Variants in CLCNKA observed in about 807,000 individuals in gnomAD.
The protein encoded by CLCNKA is chloride channel protein ClC-Ka.
In CLCNKA, 66 loss-of-function variants were observed where a neutral mutation model predicts 83.3. The ratio of observed to expected loss-of-function variants is 0.79; its 90% CI spans 0.65 to 0.97. The LOEUF (loss-of-function observed/expected upper bound fraction) is 0.97, where lower values mean the gene tolerates loss of function less well. Among genes scored for constraint, CLCNKA ranks in the 50% least tolerant of loss-of-function variants. CLCNKA has a pLI of 0.00. For missense variants in CLCNKA, 806 were observed against 888.7 expected, an observed-to-expected ratio of 0.91 and a Z score of 1.18; for synonymous variants, 357 against 370.4, an observed-to-expected ratio of 0.96 and a Z score of 0.42.
chr1:16,027,870 C>T lies in CLCNKA; in HGVS notation c.831C>T (p.Phe277=), dbSNP rs143337074. 3.5e-5 allele frequency: 57 copies of T among 1,613,576 alleles called. No individual in the cohort carries two copies. The African/African-American group carries it at 5.5e-4, about 15-fold the overall frequency. ...YKTSFRVDVP[F]DLPEIFFFVA... is the part of the protein sequence containing the mutation. ...CCAGTTTCCGGGTGGACGTTCCCTT[C>T]GACCTGCCTGAGATCTTCTTTTTTG... Residue 277 remains phenylalanine, a synonymous_variant, in exon 9 of 20, where the codon TTC becomes TTT. Transcript: ENST00000331433.
At chr1:16,025,386 A>G (rs2022305827) in intron 4 of CLCNKA, among the ~76,000 whole-genome samples, 1 of 152,234 alleles carries the variant, frequency 6.6e-6, no homozygotes, top group Non-Finnish European at 1.5e-5. Context: ...GCGTGATCAT[A>G]ATAGGACTAG....
chr1:16,028,710 C>A (rs375062137), intron 10 of CLCNKA, 51 bp from the exon 11 acceptor site: 2 of 1,597,756 alleles, frequency 1.3e-6, no homozygotes, highest in Non-Finnish European at 1.7e-6. Context: ...TCCCTCTCCT[C>A]GGGATGTAGG....
chr1:16,027,201 G>A lies in CLCNKA; in HGVS notation c.656-109G>A. 3 of 1,509,802 alleles carry A rather than the reference G, an allele frequency of 2.0e-6. No homozygotes were observed. In the East Asian group the frequency reaches 6.8e-5, roughly 34 times the overall value. 93.5% of individuals were successfully genotyped at this position (1,509,802 alleles called of 1,614,324 possible). On this transcript the variant is annotated intron_variant, in intron 7 of 19. Transcript: ENST00000331433. ...CCTTCTGTCTGTCCCTGTCCGGGCT[G>A]TAGGACAGCAGGACAGATGGCTCAG...
Position 16,029,626 on chromosome 1 carries a change from C to A in CLCNKA, c.1228-105C>A, listed in dbSNP as rs553104034. On this transcript the variant is annotated intron_variant, in intron 12 of 19. Coordinates refer to ENST00000331433, the MANE Select transcript of CLCNKA (RefSeq NM_004070.4). ...TCTGGCAGTGGGTGCATGGCTGGCACCCTCTTTCTATCTAGGACACTCCCC... is the reference window on the plus strand; with the variant it reads ...TCTGGCAGTGGGTGCATGGCTGGCAACCTCTTTCTATCTAGGACACTCCCC... The A allele has an allele frequency of 3.5e-6, 5 of 1,443,106 alleles. No homozygotes were observed. In the East Asian group the frequency reaches 6.8e-5, roughly 20 times the overall value. The allele number at this position is 1,443,106 out of a possible 1,614,324, so 89.4% of individuals were successfully genotyped here.
chr1:16,027,038 G>C, intron 7 of CLCNKA: 1 of 648,486 alleles, frequency 1.5e-6, no homozygotes, highest in Non-Finnish European at 2.6e-6. Flanking sequence ...TGGCCTCTCT[G>C]AGCGCAGCTT....
chr1:16,031,989 C>A (rs1379676327), intron 16 of CLCNKA, 146 bp downstream of exon 16: 7 of 1,402,766 alleles, frequency 5.0e-6, no homozygotes, highest in Non-Finnish European at 4.9e-6. Flanking sequence ...TTCACCTGAG[C>A]CTCAGTTTCC....
Position 16,026,731 on chromosome 1 carries a change from C to T in CLCNKA, c.611C>T (p.Ala204Val), listed in dbSNP as rs747655936. Reference sequence around the variant, plus strand: ...AAGCAAAACGAAATGCTGGTGGCAGCGGCGGCAGTGGGCGTGGCCACAGTC... The same window carrying T: ...AAGCAAAACGAAATGCTGGTGGCAGTGGCGGCAGTGGGCGTGGCCACAGTC... ...KSKQNEMLVAAAAVGVATVFA... is the reference protein window; with the variant it reads ...KSKQNEMLVAVAAVGVATVFA... Residue 204 changes from alanine (A) to valine (V), a missense_variant, in exon 7 of 20, where the codon GCG becomes GTG. Physicochemically the swap from Ala to Val is moderately conservative, Grantham distance 64. Transcript: ENST00000331433. 6.2e-7 allele frequency: 1 copy of T among 1,613,606 alleles called. No individual in the cohort carries two copies. Among genetic ancestry groups the T allele is most frequent in the Non-Finnish European group, 8.5e-7 (1 of 1,179,838 alleles).
At chr1:16,033,322 AGG>A in intron 19 of CLCNKA, 66 bp downstream of exon 19, 1 of 1,512,382 alleles carries the variant, frequency 6.6e-7, no homozygotes, top group Non-Finnish European at 9.2e-7. Context: ...GGAGATGGGG[AGG>A]TGGGGGGACA....
At chr1:16,026,064 A>G (rs1276613246) in intron 4 of CLCNKA, 44 bp from the exon 5 acceptor site, 1 of 1,611,664 alleles carries the variant, frequency 6.2e-7, no homozygotes. Flanking sequence ...GAGAGTTTTA[A>G]TCTAGAGATT....
In CLCNKA at chr1:16,030,640, C is replaced by T; in HGVS notation, c.1588C>T (p.Pro530Ser). ...YDGTIIVKKL[P>S]YLPRILGRNI... ...TGGCACCATCATTGTCAAGAAGCTGCCATACCTGCCACGGATTCTGGGCCG... is the reference window on the plus strand; with the variant it reads ...TGGCACCATCATTGTCAAGAAGCTGTCATACCTGCCACGGATTCTGGGCCG... The change falls in exon 15 of 20, where the codon CCA (proline) becomes TCA (serine). Residue 530 changes from proline to serine, a missense_variant. Coordinates refer to ENST00000331433, the MANE Select transcript of CLCNKA (RefSeq NM_004070.4). 1 of 1,613,168 alleles carries T rather than the reference C, an allele frequency of 6.2e-7. No homozygotes were observed. The highest frequency in any genetic ancestry group is 8.5e-7 in the Non-Finnish European group (1 of 1,180,030).
At chr1:16,029,381 T>C in intron 12 of CLCNKA, 82 bp downstream of exon 12, 2 of 1,592,400 alleles carry the variant, frequency 1.3e-6, no homozygotes, top group South Asian at 1.1e-5. Context: ...CTGCACCTGG[T>C]GGCATGGAGC....
chr1:16,028,279 C>T (rs2022463239), intron 10 of CLCNKA, among the ~76,000 whole-genome samples, 160 bp downstream of exon 10: 3 of 147,266 alleles, frequency 2.0e-5, no homozygotes, highest in Non-Finnish European at 4.5e-5. Context: ...CAGTCACTGT[C>T]CCCCCTTCCT....
intron 19 of CLCNKA, 37 bp downstream of exon 19, chr1:16,033,293 C>A: frequency 1.9e-6 from 3 of 1,606,938 alleles, no homozygotes; most frequent in South Asian, 2.2e-5. Context: ...AGCAGGGGAC[C>A]CATGCCTGAG....
At chr1:16,026,946 G>C (rs2022384956) in intron 7 of CLCNKA, 171 bp downstream of exon 7, 7 of 850,526 alleles carry the variant, frequency 8.2e-6, no homozygotes, top group Non-Finnish European at 1.3e-5. Context: ...GGCGGGGCGG[G>C]TGGTTGGGGG....
Position 16,022,682 on chromosome 1 carries a change from GTGGGGC to G in CLCNKA, c.64_69del (p.Trp22_Gly23del). The G allele has an allele frequency of 1.9e-6, 3 of 1,557,858 alleles. No homozygotes were observed. The highest frequency in any genetic ancestry group is 2.6e-6 in the Non-Finnish European group (3 of 1,151,350). On this transcript the variant is annotated inframe_deletion, in exon 2 of 20. Transcript: ENST00000331433. ...GGGACCCTGTGACTCTGCAGGAGCT[GTGGGGC>G]CCCTGTCCCCACATCCGCCGAGCCA...
intron 14 of CLCNKA, among the ~76,000 whole-genome samples, 164 bp from the exon 15 acceptor site, chr1:16,030,297 C>T (rs1210281359): frequency 1.3e-5 from 2 of 152,324 alleles, no homozygotes; most frequent in Non-Finnish European, 2.9e-5. Flanking sequence ...TATCCCTCTC[C>T]TCTCACCAAG....
intron 15 of CLCNKA, among the ~76,000 whole-genome samples, chr1:16,031,487 A>G (rs2022622819): frequency 6.6e-6 from 1 of 151,910 alleles, no homozygotes; most frequent in African/African-American, 2.4e-5. Flanking sequence ...GACATGGGGG[A>G]CCAGGGGGTT....
At chr1:16,028,161 C>T (rs1557452356) in intron 10 of CLCNKA, 42 bp downstream of exon 10, 3 of 1,553,056 alleles carry the variant, frequency 1.9e-6, no homozygotes, top group Non-Finnish European at 2.7e-6. Context: ...CAGTGAGTCC[C>T]TTGTGGACTC....
At chr1:16,026,985 G>A in intron 7 of CLCNKA, 4 of 682,352 alleles carry the variant, frequency 5.9e-6, no homozygotes, top group South Asian at 1.9e-5. Context: ...AGAGGCTTCA[G>A]GATAACATTA....
Sources: gnomAD v4.1 joint callset for allele counts (sites outside exome capture counted in the v4.1 genomes callset) on GRCh38, gnomAD v4.1.1 for gene constraint, MANE v1.5 for transcripts, NCBI Gene and HGNC (gene_info 2026-07-23, HGNC 2026-07-21) for gene names.